Variants in CSPP1 observed in about 807,000 individuals in gnomAD.
CSPP1 encodes centrosome and spindle pole associated protein 1, also known as centrosome and spindle pole-associated protein 1.
A neutral mutation model predicts 164.4 loss-of-function variants in CSPP1; 126 were observed. The observed-to-expected ratio is 0.77, with a 90% CI of 0.66 to 0.89. The LOEUF (loss-of-function observed/expected upper bound fraction) is 0.89, where lower values mean the gene tolerates loss of function less well. Among genes scored for constraint, CSPP1 ranks in the 40% least tolerant of loss-of-function variants. CSPP1 has a pLI of 0.00. For synonymous variants in CSPP1, 472 were observed against 476.7 expected (o/e 0.99, Z 0.13); for missense variants, 1,395 against 1,449.8 (o/e 0.96, Z 0.61).
In CSPP1 at chr8:67,074,445, G is replaced by C. The variant is rs940564197; in HGVS notation, c.99+94G>C. 5.1e-5 allele frequency: 35 copies of C among 690,202 alleles called. No individual in the cohort carries two copies. In the African/African-American group the frequency reaches 6.0e-4, roughly 12 times the overall value. 42.8% of individuals were successfully genotyped at this position (690,202 alleles called of 1,614,324 possible). A position where few individuals can be genotyped will look rare whatever the true frequency, so the allele number is the denominator to read the frequency against. On this transcript the variant is annotated intron_variant, in intron 2 of 30. Transcript: ENST00000678616. The stretch of plus-strand genomic sequence containing the variant: ...ACAAAACATCCTCTTCTATGAGTGA[G>C]AATCTTCTGTTTTGTAGTATGCTGT...
chr8:67,087,864 A>G (rs540224298), intron 4 of CSPP1, among the ~76,000 whole-genome samples: 9 of 151,854 alleles, frequency 5.9e-5, no homozygotes, highest in Non-Finnish European at 1.0e-4. Flanking sequence ...GCATGTAGAG[A>G]CTCTCATTGT....
Position 67,149,764 on chromosome 8 carries a change from G to A in CSPP1, c.1976-19G>A, listed in dbSNP as rs1324835434. ...AGAAATGTGTTTATTGAAATAAATG[G>A]CTTATTTTTTCCTCTCAGCTGATTT... On this transcript the variant is annotated intron_variant, in intron 17 of 30. Transcript: ENST00000678616. 2 of 1,486,232 alleles carry A rather than the reference G, an allele frequency of 1.3e-6. No individual in the cohort carries two copies. The highest frequency in any genetic ancestry group is 1.8e-6 in the Non-Finnish European group (2 of 1,116,860). 92.1% of individuals were successfully genotyped at this position (1,486,232 alleles called of 1,614,324 possible).
At chr8:67,167,768 C>T (rs939657232) in intron 24 of CSPP1, among the ~76,000 whole-genome samples, 1 of 151,604 alleles carries the variant, frequency 6.6e-6, no homozygotes, top group African/African-American at 2.4e-5. Flanking sequence ...TCCTCACTTC[C>T]TAAACGGGAT....
chr8:67,115,434 C>A (rs897536685), intron 12 of CSPP1, among the ~76,000 whole-genome samples: 6 of 152,132 alleles, frequency 3.9e-5, no homozygotes, highest in Non-Finnish European at 5.9e-5. Context: ...AATTCCAGCA[C>A]TCTGGGAGGC....
chr8:67,127,802 T>C (rs2129553324), intron 15 of CSPP1, among the ~76,000 whole-genome samples: 1 of 152,288 alleles, frequency 6.6e-6, no homozygotes, highest in Non-Finnish European at 1.5e-5. Flanking sequence ...TCTGTTAAAT[T>C]TTTCTGAAGG....
At chr8:67,086,445 C>T (rs1197156152) in intron 4 of CSPP1, among the ~76,000 whole-genome samples, 1 of 151,966 alleles carries the variant, frequency 6.6e-6, no homozygotes, top group Non-Finnish European at 1.5e-5. Context: ...TTCTACACCC[C>T]CCAACTATGT....
Position 67,064,398 on chromosome 8 carries a change from CA to C in CSPP1, c.-150del. 1 of 1,613,336 alleles carries C rather than the reference CA, an allele frequency of 6.2e-7. No homozygotes were observed. The highest frequency in any genetic ancestry group is 1.1e-5 in the South Asian group (1 of 91,028). ...GCGGAGCCCCGGCCCGGAGGTCTGTCATGCTGTTCCCGCTCCAGGTGGCCGC... is the reference window on the plus strand; with the variant it reads ...GCGGAGCCCCGGCCCGGAGGTCTGTCTGCTGTTCCCGCTCCAGGTGGCCGC... On this transcript the variant is annotated 5_prime_UTR_variant, in exon 1 of 31. An upstream start codon of the reference 5' UTR is lost. Transcript: ENST00000678616.
intron 24 of CSPP1, among the ~76,000 whole-genome samples, chr8:67,168,381 T>G (rs562966534): frequency 6.6e-6 from 1 of 152,140 alleles, no homozygotes; most frequent in East Asian, 1.9e-4. Context: ...TGACATTAAT[T>G]TTTCTTTTCA....
At chr8:67,105,512 C>G (rs1815303649) in intron 8 of CSPP1, among the ~76,000 whole-genome samples, 1 of 152,066 alleles carries the variant, frequency 6.6e-6, no homozygotes, top group South Asian at 2.1e-4. Context: ...TCCTGAGTAG[C>G]TGGGATTACA....
At position 67,095,604 on chromosome 8, in the gene CSPP1, G is replaced by C. The variant is rs1238577040; in HGVS notation, c.795G>C (p.Glu265Asp). Residue 265 changes from glutamate to aspartate, a missense_variant, in exon 7 of 31, where the codon GAG becomes GAC. Physicochemically the swap from Glu to Asp is conservative, Grantham distance 45. Coordinates refer to ENST00000678616, the MANE Select transcript of CSPP1 (RefSeq NM_001382391.1). ...ATAGAAGATTTCACAGATTTAATGA[G>C]GATCGTGTTTTTGATAGACGGTATC... ...IPDRRFHRFN[E>D]DRVFDRRYHR... 1 of 1,614,004 alleles carries C rather than the reference G, an allele frequency of 6.2e-7. No individual in the cohort carries two copies. Among genetic ancestry groups the C allele is most frequent in the South Asian group, 1.1e-5 (1 of 91,074 alleles).
chr8:67,087,048 C>T (rs574761183), intron 4 of CSPP1, among the ~76,000 whole-genome samples: 43 of 152,102 alleles, frequency 2.8e-4, no homozygotes, highest in Middle Eastern at 6.8e-3. Flanking sequence ...TATAATTTTC[C>T]GTTAATATAG....
At chr8:67,085,187 A>G (rs555989174) in intron 3 of CSPP1, among the ~76,000 whole-genome samples, 1 of 152,280 alleles carries the variant, frequency 6.6e-6, no homozygotes, top group East Asian at 1.9e-4. Context: ...TGGTTGTACA[A>G]CATTGTAAAT....
chr8:67,168,055 G>C (rs1031770519), intron 24 of CSPP1, among the ~76,000 whole-genome samples: 8 of 152,216 alleles, frequency 5.3e-5, no homozygotes, highest in East Asian at 1.9e-4. Context: ...GGCACCTCGG[G>C]AGGCCGAGGC....
chr8:67,104,887 G>A (rs903569758), intron 8 of CSPP1, among the ~76,000 whole-genome samples: 9 of 142,046 alleles, frequency 6.3e-5, no homozygotes, highest in African/African-American at 1.6e-4. Context: ...TAATTCGCCC[G>A]CCTTGGCCTC....
intron 3 of CSPP1, among the ~76,000 whole-genome samples, chr8:67,082,222 G>A (rs941334202): frequency 1.3e-5 from 2 of 152,028 alleles, no homozygotes; most frequent in African/African-American, 4.8e-5. Flanking sequence ...TACTTTTTTT[G>A]TGCTTTTCAT....
At chr8:67,065,477 G>A in intron 1 of CSPP1, 1 of 944,116 alleles carries the variant, frequency 1.1e-6, no homozygotes, top group Non-Finnish European at 1.3e-6. Context: ...GCCTAAATTA[G>A]GCTTTATTCT....
chr8:67,166,125 C>A (rs1173254060), intron 24 of CSPP1, among the ~76,000 whole-genome samples: 2 of 152,164 alleles, frequency 1.3e-5, no homozygotes, highest in African/African-American at 2.4e-5. Context: ...ATGTCCCCAT[C>A]CTTTTGTTTT....
chr8:67,071,685 T>G (rs1483323552), intron 1 of CSPP1, among the ~76,000 whole-genome samples: 1 of 152,190 alleles, frequency 6.6e-6, no homozygotes, highest in Non-Finnish European at 1.5e-5. Context: ...ACATTTAGCT[T>G]CCAGGCCTTA....
intron 15 of CSPP1, among the ~76,000 whole-genome samples, chr8:67,120,010 T>A (rs547449278): frequency 6.6e-6 from 1 of 152,324 alleles, no homozygotes; most frequent in East Asian, 1.9e-4. Context: ...TTAGGTCTTA[T>A]GTTGAGCTGT....
Sources: allele counts gnomAD v4.1 joint callset (sites outside exome capture counted in the v4.1 genomes callset), GRCh38; gene constraint gnomAD v4.1.1; transcripts MANE v1.5; gene names NCBI Gene and HGNC (gene_info 2026-07-23, HGNC 2026-07-21).